Variants in PIWIL1 observed in about 807,000 individuals in gnomAD.
The protein encoded by PIWIL1 is piwi like RNA-mediated gene silencing 1, also known as piwi-like protein 1.
Under a neutral mutation model 114.4 loss-of-function variants are expected in PIWIL1, and 73 were observed. That is an observed-to-expected ratio of 0.64 (90% CI 0.53 to 0.78). The LOEUF is 0.78. Ranked by LOEUF, PIWIL1 falls within the 30% of genes least tolerant of loss-of-function variation. The pLI is 0.00. For missense variants in PIWIL1, 723 were observed against 1,063.1 expected, an observed-to-expected ratio of 0.68 and a Z score of 4.45; for synonymous variants, 375 against 369.0, an observed-to-expected ratio of 1.02 and a Z score of -0.19.
the PIWIL1 span, among the ~76,000 whole-genome samples, chr12:130,392,076 C>CAT: frequency 0.017 from 1,586 of 93,624 alleles, 21 homozygotes; most frequent in Non-Finnish European, 0.026. Context: ...ACCGTCATCA[C>CAT]GTGGATGCAT....
At chr12:130,417,579 T>C in the PIWIL1 span, among the ~76,000 whole-genome samples, 17 of 151,636 alleles carry the variant, frequency 1.1e-4, no homozygotes, top group Admixed American at 3.9e-4. Flanking sequence ...CACTAGATGG[T>C]GAAGGAGGGA....
At chr12:130,396,748 G>A in the PIWIL1 span, 1 of 152,626 alleles carries the variant, frequency 6.6e-6, no homozygotes, top group Non-Finnish European at 1.5e-5. Context: ...CATTTTCTGT[G>A]TGTAGCCTGG....
In PIWIL1 at chr12:130,355,023, C is replaced by T. The variant is rs771564475; in HGVS notation, c.1289+18C>T. Reference sequence around the variant, plus strand: ...ATTCATAAGTAAGTCATTGATTTCACTGGGGCAGGGTTTCAGTTTTGTGTT... The same window carrying T: ...ATTCATAAGTAAGTCATTGATTTCATTGGGGCAGGGTTTCAGTTTTGTGTT... On this transcript the variant is annotated intron_variant, in intron 11 of 20. Coordinates refer to ENST00000245255, the MANE Select transcript of PIWIL1 (RefSeq NM_004764.5). 1.0e-5 allele frequency: 15 copies of T among 1,451,096 alleles called. No individual in the cohort carries two copies. Among genetic ancestry groups the T allele is most frequent in the Middle Eastern group, 1.7e-4 (1 of 5,774 alleles). The allele number at this position is 1,451,096 out of a possible 1,614,324, so 89.9% of individuals were successfully genotyped here.
intron 5 of PIWIL1, 26 bp downstream of exon 5, chr12:130,346,610 G>A: frequency 6.4e-7 from 1 of 1,556,168 alleles, no homozygotes; most frequent in Non-Finnish European, 8.9e-7. Flanking sequence ...GGAGATGGGG[G>A]ATTTCCACTT....
chr12:130,377,550 A>T (rs569148140), downstream of PIWIL1, among the ~76,000 whole-genome samples: 81 of 152,330 alleles, frequency 5.3e-4, no homozygotes, highest in African/African-American at 1.9e-3. Context: ...GGCTTTTGAG[A>T]AACCTGGATT....
chr12:130,411,653 G>C, the PIWIL1 span, among the ~76,000 whole-genome samples: 1 of 152,274 alleles, frequency 6.6e-6, no homozygotes, highest in East Asian at 1.9e-4. Context: ...TGCTCTCTTT[G>C]AAAGAGTCTT....
At chr12:130,396,202 C>G in the PIWIL1 span, 1 of 152,660 alleles carries the variant, frequency 6.6e-6, no homozygotes, top group Admixed American at 6.5e-5. Context: ...CACACCCACA[C>G]AGAGCTTAAC....
intron 1 of PIWIL1, 142 bp downstream of exon 1, chr12:130,338,288 C>T (rs2072772089): frequency 2.7e-5 from 8 of 293,552 alleles, no homozygotes; most frequent in South Asian, 1.8e-4. Context: ...GATGCAGGAG[C>T]CGGGTGCGGG....
chr12:130,414,068 A>G, the PIWIL1 span: 1 of 1,569,664 alleles, frequency 6.4e-7, no homozygotes, highest in Non-Finnish European at 8.8e-7. Flanking sequence ...CTCTGCCCCC[A>G]TGACCCAGAC....
chr12:130,347,186 T>A, intron 6 of PIWIL1, 124 bp downstream of exon 6: 1 of 714,566 alleles, frequency 1.4e-6, no homozygotes. Context: ...TTTCTCTGTA[T>A]TGCAGTAACT....
chr12:130,376,518 G>A (rs145218206), downstream of PIWIL1, among the ~76,000 whole-genome samples: 330 of 152,274 alleles, frequency 2.2e-3, 3 homozygotes, highest in South Asian at 0.012. Flanking sequence ...TTGAACTGGT[G>A]TTTCAGTATG....
chr12:130,400,717 G>T, the PIWIL1 span, among the ~76,000 whole-genome samples: 3 of 152,176 alleles, frequency 2.0e-5, no homozygotes, highest in South Asian at 6.2e-4. Context: ...GAAAATGTCT[G>T]CAAGTCATCT....
intron 6 of PIWIL1, among the ~76,000 whole-genome samples, chr12:130,347,695 G>A (rs1174320180): frequency 2.6e-5 from 4 of 152,096 alleles, no homozygotes; most frequent in Non-Finnish European, 4.4e-5. Flanking sequence ...TTCCCTAAAC[G>A]AGGGGTTGGC....
intron 19 of PIWIL1, among the ~76,000 whole-genome samples, chr12:130,367,860 T>G (rs6486535): frequency 0.012 from 1,899 of 152,176 alleles, 38 homozygotes; most frequent in African/African-American, 0.044. Flanking sequence ...TGCAGTAGCA[T>G]AATCTCGGCT....
chr12:130,344,867 C>T (rs1295214030), intron 3 of PIWIL1, among the ~76,000 whole-genome samples: 1 of 152,146 alleles, frequency 6.6e-6, no homozygotes, highest in African/African-American at 2.4e-5. Flanking sequence ...CTTAGGCCAT[C>T]CCTAACCATG....
At chr12:130,414,370 A>G in the PIWIL1 span, 1 of 1,480,568 alleles carries the variant, frequency 6.8e-7, no homozygotes, top group Non-Finnish European at 9.1e-7. Context: ...GTGCACGGGA[A>G]ATGCAGCTTT....
chr12:130,346,972 G>T lies in PIWIL1; in HGVS notation c.563G>T (p.Gly188Val). The T allele has an allele frequency of 1.2e-6, 2 of 1,613,568 alleles. No individual in the cohort carries two copies. Among genetic ancestry groups the T allele is most frequent in the Non-Finnish European group, 1.7e-6 (2 of 1,179,724 alleles). ...VTEVFSKTRN[G>V]EDVRITITLT... ...GAAGTTTTTAGTAAGACCCGGAATG[G>T]AGAGGATGTGAGGATAACGATCACT... The change falls in exon 6 of 21, where the codon GGA (glycine) becomes GTA (valine). Residue 188 changes from glycine (G) to valine (V), a missense_variant. Coordinates refer to ENST00000245255, the MANE Select transcript of PIWIL1 (RefSeq NM_004764.5).
intron 16 of PIWIL1, 122 bp downstream of exon 16, chr12:130,361,723 A>C: frequency 1.4e-6 from 1 of 726,648 alleles, no homozygotes; most frequent in Non-Finnish European, 2.3e-6. Flanking sequence ...ACAGCAACGA[A>C]TTTAGGAAAG....
the PIWIL1 span, among the ~76,000 whole-genome samples, chr12:130,380,828 T>C: frequency 6.6e-6 from 1 of 152,226 alleles, no homozygotes; most frequent in Non-Finnish European, 1.5e-5. Flanking sequence ...AAAGTCTCTC[T>C]TGTTGTTGGG....
Sources: allele counts gnomAD v4.1 joint callset (sites outside exome capture counted in the v4.1 genomes callset), GRCh38; gene constraint gnomAD v4.1.1; transcripts MANE v1.5; gene names NCBI Gene and HGNC (gene_info 2026-07-23, HGNC 2026-07-21).